Variants in ASAP1 observed in about 807,000 individuals in gnomAD.
ASAP1 encodes the protein arf-GAP with SH3 domain, ANK repeat and PH domain-containing protein 1.
ASAP1 carries 43 observed loss-of-function variants against 145.2 expected under a neutral mutation model. The ratio of observed to expected loss-of-function variants is 0.30; its 90% confidence interval spans 0.23 to 0.38. ASAP1 has a LOEUF of 0.38. Among genes scored for constraint, ASAP1 ranks in the 10% least tolerant of loss-of-function variants. ASAP1 has a pLI of 1.00. For synonymous variants in ASAP1, 546 were observed against 515.5 expected (o/e 1.06, Z -0.80); for missense variants, 1,018 against 1,355.3 (o/e 0.75, Z 3.91).
At chr8:130,312,277 TAA>T (rs10602064) in intron 3 of ASAP1, among the ~76,000 whole-genome samples, 128 of 136,196 alleles carry the variant, frequency 9.4e-4, no homozygotes, top group African/African-American at 1.7e-3. Flanking sequence ...ACCCTGTCTT[TAA>T]AAAAAAAAAA....
intron 27 of ASAP1, among the ~76,000 whole-genome samples, chr8:130,072,787 A>ACG (rs1262179610): frequency 2.8e-5 from 1 of 36,020 alleles, no homozygotes; most frequent in African/African-American, 1.7e-4. Context: ...TGGACTTGCA[A>ACG]TTGATATGTG....
intron 2 of ASAP1, among the ~76,000 whole-genome samples, chr8:130,362,602 A>T (rs753055088): frequency 7.9e-5 from 12 of 152,200 alleles, no homozygotes; most frequent in Non-Finnish European, 1.6e-4. Context: ...TCCACGACTC[A>T]GATATCTCTA....
At chr8:130,192,976 G>A (rs1314144665) in intron 5 of ASAP1, among the ~76,000 whole-genome samples, 2 of 152,260 alleles carry the variant, frequency 1.3e-5, no homozygotes, top group African/African-American at 4.8e-5. Context: ...CAAAAAAAAC[G>A]AGAAAGCTCT....
intron 5 of ASAP1, among the ~76,000 whole-genome samples, chr8:130,196,001 G>C (rs954940919): frequency 1.3e-5 from 2 of 152,210 alleles, no homozygotes; most frequent in African/African-American, 4.8e-5. Flanking sequence ...GGGAGGCCCT[G>C]TATCTATTTT....
In ASAP1 at chr8:130,109,125, G is replaced by T. The variant is rs187221995; in HGVS notation, c.2401+2969C>A. ...AGTAGAAGTGGGGTGGGGGCAGGGG[G>T]AAGCTACTGATCACAAACGAGAAAC... On this transcript the variant is annotated intron_variant, in intron 24 of 29. Coordinates refer to ENST00000518721, the MANE Select transcript of ASAP1 (RefSeq NM_018482.4). Among the ~76,000 whole-genome samples the T allele has an allele frequency of 3.9e-4, 60 of 152,238 alleles. 1 individual carries two copies. Among genetic ancestry groups the T allele is most frequent in the Middle Eastern group, 3.4e-3 (1 of 294 alleles).
In ASAP1 at chr8:130,237,328, T is replaced by A. The variant is rs181952465; in HGVS notation, c.187-334A>T. On this transcript the variant is annotated intron_variant, in intron 3 of 29. Transcript: ENST00000518721. ...ATTCTTTCATGCATTTACAATCTGG[T>A]AAGGAGAAAAGGCAAGCATAGACAT... Among the ~76,000 whole-genome samples the A allele has an allele frequency of 3.2e-4, 49 of 152,092 alleles. 1 individual carries two copies. The highest frequency in any genetic ancestry group is 3.4e-3 in the Middle Eastern group (1 of 294).
At position 130,276,954 on chromosome 8, in the gene ASAP1, C is replaced by T. The variant is rs752305872; in HGVS notation, c.187-39960G>A. ...GCAGACGATGGAAGGACTCTGCCTG[C>T]TGCTGAGGGAGGTCAGTCCCTGGGG... On this transcript the variant is annotated intron_variant, in intron 3 of 29. Transcript: ENST00000518721. Among the ~76,000 whole-genome samples the T allele has an allele frequency of 5.3e-5, 8 of 152,286 alleles. No individual in the cohort carries two copies. In the East Asian group the frequency reaches 7.7e-4, roughly 15 times the overall value.
At chr8:130,414,781 A>C (rs1829407638) in intron 1 of ASAP1, among the ~76,000 whole-genome samples, 1 of 147,926 alleles carries the variant, frequency 6.8e-6, no homozygotes, top group South Asian at 2.1e-4. Flanking sequence ...TTTTTGAGAC[A>C]GGGTCTTCCT....
At position 130,112,189 on chromosome 8, in the gene ASAP1, G is replaced by T; in HGVS notation, c.2306C>A (p.Ala769Asp). The T allele has an allele frequency of 1.2e-6, 2 of 1,614,166 alleles. No homozygotes were observed. The highest frequency in any genetic ancestry group is 1.7e-6 in the Non-Finnish European group (2 of 1,180,028). The change falls in exon 24 of 30, where the codon GCC becomes GAC. Residue 769 changes from alanine to aspartate, a missense_variant. Transcript: ENST00000518721. Reference sequence around the variant, plus strand: ...GGAAACGAAGATCTGGTTGGTGAAGGCTCCATAGGAGAGCCGCTGTTTGTC... The same window carrying T: ...GGAAACGAAGATCTGGTTGGTGAAGTCTCCATAGGAGAGCCGCTGTTTGTC... ...PRDKQRLSYG[A>D]FTNQIFVSTS...
At chr8:130,065,582 C>T (rs2097429034) in intron 27 of ASAP1, among the ~76,000 whole-genome samples, 2 of 152,174 alleles carry the variant, frequency 1.3e-5, no homozygotes, top group South Asian at 4.1e-4. Flanking sequence ...GATGTGGACA[C>T]TATAAACCAG....
chr8:130,056,968 C>T (rs953962623), intron 29 of ASAP1, among the ~76,000 whole-genome samples: 3 of 152,218 alleles, frequency 2.0e-5, no homozygotes, highest in Non-Finnish European at 2.9e-5. Flanking sequence ...AGGTCACTCA[C>T]AGCCTGGGTA....
chr8:130,212,761 C>T (rs1348326682), intron 5 of ASAP1, among the ~76,000 whole-genome samples: 1 of 152,148 alleles, frequency 6.6e-6, no homozygotes, highest in Non-Finnish European at 1.5e-5. Context: ...TGAATGTTGG[C>T]CTGAATGGCC....
At chr8:130,162,051 T>C (rs1478372660) in intron 11 of ASAP1, among the ~76,000 whole-genome samples, 2 of 152,158 alleles carry the variant, frequency 1.3e-5, no homozygotes, top group Middle Eastern at 3.2e-3. Flanking sequence ...TCTCCTACTT[T>C]GGCCTTCCGA....
At chr8:130,291,744 T>C (rs1821956974) in intron 3 of ASAP1, among the ~76,000 whole-genome samples, 1 of 152,186 alleles carries the variant, frequency 6.6e-6, no homozygotes, top group Admixed American at 6.5e-5. Flanking sequence ...AGAGATTCAC[T>C]CTTGCTTATA....
At position 130,054,610 on chromosome 8, in the gene ASAP1, G is replaced by A; in HGVS notation, c.*121C>T. On this transcript the variant is annotated 3_prime_UTR_variant, in exon 30 of 30. Transcript: ENST00000518721. ...AACACACATTATATCCCCCTCCTGAGGTGGCCCTTCCATGAGTTTCTTACT... is the reference window on the plus strand; with the variant it reads ...AACACACATTATATCCCCCTCCTGAAGTGGCCCTTCCATGAGTTTCTTACT... 1.3e-6 allele frequency: 1 copy of A among 799,978 alleles called. No individual in the cohort carries two copies. Among genetic ancestry groups the A allele is most frequent in the East Asian group, 2.6e-5 (1 of 38,368 alleles). The allele number at this position is 799,978 out of a possible 1,614,324, so 49.6% of individuals were successfully genotyped here.
Position 130,052,859 on chromosome 8 carries a change from C to A in ASAP1, c.*1872G>T, listed in dbSNP as rs2097396015. ...GTAAATGAATGACCGGGACACTGAG[C>A]AACCTCAGATGCAGACTTCCATCCG... On this transcript the variant is annotated 3_prime_UTR_variant, in exon 30 of 30. Coordinates refer to ENST00000518721, the MANE Select transcript of ASAP1 (RefSeq NM_018482.4). 1 of 151,590 alleles carries A rather than the reference C, an allele frequency of 6.6e-6. No individual in the cohort carries two copies. Among genetic ancestry groups the A allele is most frequent in the African/African-American group, 2.4e-5 (1 of 41,222 alleles). The allele number at this position is 151,590 out of a possible 1,614,324, so 9.4% of individuals were successfully genotyped here.
chr8:130,321,801 C>A (rs910651510), intron 3 of ASAP1, among the ~76,000 whole-genome samples: 14 of 152,170 alleles, frequency 9.2e-5, no homozygotes, highest in Non-Finnish European at 1.9e-4. Flanking sequence ...CTCATCCCAC[C>A]ATCACATAAA....
rs542152579 is a variant in ASAP1, at chr8:130,261,361, G to A, written c.187-24367C>T. 5.3e-5 allele frequency among the ~76,000 whole-genome samples: 8 copies of A among 152,258 alleles called. No individual in the cohort carries two copies. The East Asian group carries it at 1.4e-3, about 26-fold the overall frequency. ...GGAATCTTCCTAAGCAACTTTCAAG[G>A]GCATTTCTGCCTATATGCTACTTGC... On this transcript the variant is annotated intron_variant, in intron 3 of 29. Coordinates refer to ENST00000518721, the MANE Select transcript of ASAP1 (RefSeq NM_018482.4).
At chr8:130,160,933 G>C (rs62524650) in intron 11 of ASAP1, 183,124 of 490,506 alleles carry the variant, frequency 0.37, 36,788 homozygotes, top group East Asian at 0.6. Context: ...GATAATACCA[G>C]AAAACACATA....
Sources: gnomAD v4.1 joint callset for allele counts (sites outside exome capture counted in the v4.1 genomes callset) on GRCh38, gnomAD v4.1.1 for gene constraint, MANE v1.5 for transcripts, NCBI Gene and HGNC (gene_info 2026-07-23, HGNC 2026-07-21) for gene names.